Variants in ARHGDIB observed in about 807,000 individuals in gnomAD.
The protein encoded by ARHGDIB is Rho GDP dissociation inhibitor beta.
In ARHGDIB, 20 loss-of-function variants were observed where a neutral mutation model predicts 22.6. That is an observed-to-expected ratio of 0.88 (90% confidence interval 0.62 to 1.28). ARHGDIB has a LOEUF of 1.28. Among genes scored for constraint, ARHGDIB ranks in the 50% most tolerant of loss-of-function variants. The pLI is 0.00. For synonymous variants in ARHGDIB, 114 were observed against 96.1 expected, an observed-to-expected ratio of 1.19 and a Z score of -1.09; for missense variants, 254 against 245.4, an observed-to-expected ratio of 1.04 and a Z score of -0.23.
Position 14,949,513 on chromosome 12 carries a change from G to C in ARHGDIB, c.265+289C>G, listed in dbSNP as rs150356738. 5.0e-3 allele frequency among the ~76,000 whole-genome samples: 756 copies of C among 152,238 alleles called. 3 individuals are homozygous for C. Among genetic ancestry groups the C allele is most frequent in the African/African-American group, 0.017 (725 of 41,560 alleles). On this transcript the variant is annotated intron_variant, in intron 3 of 5. Coordinates refer to ENST00000228945, the MANE Select transcript of ARHGDIB (RefSeq NM_001175.7). ...TTGTTTCTTAATATTTCCATCAGCA[G>C]TCTTTATTGCATAAATAACAATTCT... is the stretch of plus-strand genomic sequence containing the variant.
intron 1 of ARHGDIB, among the ~76,000 whole-genome samples, chr12:14,951,733 C>T (rs553113768): frequency 8.6e-5 from 13 of 150,766 alleles, no homozygotes; most frequent in African/African-American, 3.2e-4. Flanking sequence ...AAGTTATTTA[C>T]CTGTTAAGGG....
At chr12:14,960,824 A>G (rs1030523559) in intron 1 of ARHGDIB, among the ~76,000 whole-genome samples, 75 of 152,294 alleles carry the variant, frequency 4.9e-4, no homozygotes, top group African/African-American at 1.5e-3. Flanking sequence ...TTTGACAACA[A>G]CAGCAAAGAT....
intron 5 of ARHGDIB, 54 bp from the exon 6 acceptor site, chr12:14,942,775 C>T: frequency 6.8e-7 from 1 of 1,467,126 alleles, no homozygotes; most frequent in South Asian, 1.1e-5. Flanking sequence ...GAAAAACATA[C>T]ACTGCAAACT....
In ARHGDIB at chr12:14,942,653, C is replaced by G; in HGVS notation, c.475G>C (p.Val159Leu). The G allele has an allele frequency of 6.2e-7, 1 of 1,614,182 alleles. No individual in the cohort carries two copies. Among genetic ancestry groups the G allele is most frequent in the South Asian group, 1.1e-5 (1 of 91,084 alleles). The change falls in exon 6 of 6, where the codon GTT becomes CTT. Residue 159 changes from valine to leucine, a missense_variant. Transcript: ENST00000228945. ...AGCATGCCCTTGGGAGCCTCCTCAACTGGAGTGAGGAACTCATACTCCTCA... is the reference window on the plus strand; with the variant it reads ...AGCATGCCCTTGGGAGCCTCCTCAAGTGGAGTGAGGAACTCATACTCCTCA... ...RPEEYEFLTP[V>L]EEAPKGMLAR...
At chr12:14,949,190 A>G (rs906002886) in intron 3 of ARHGDIB, among the ~76,000 whole-genome samples, 3 of 151,854 alleles carry the variant, frequency 2.0e-5, no homozygotes, top group Non-Finnish European at 4.4e-5. Flanking sequence ...CATTTCCTCC[A>G]CAATAACCCC....
intron 4 of ARHGDIB, 60 bp downstream of exon 4, chr12:14,947,813 T>C (rs760889636): frequency 9.7e-6 from 13 of 1,339,448 alleles, no homozygotes; most frequent in African/African-American, 1.4e-5. Context: ...GCAAGAAATG[T>C]AGTCACTGAT....
At chr12:14,956,069 T>C (rs960178106) in intron 1 of ARHGDIB, 3 of 152,222 alleles carry the variant, frequency 2.0e-5, no homozygotes, top group African/African-American at 7.2e-5. Context: ...GCAGAATTAA[T>C]GTCTGCGCCC....
intron 1 of ARHGDIB, among the ~76,000 whole-genome samples, chr12:14,954,071 T>C (rs1410541421): frequency 2.0e-5 from 3 of 152,040 alleles, no homozygotes; most frequent in African/African-American, 7.2e-5. Context: ...CTCTGCCTCC[T>C]GGACTCAAGC....
chr12:14,950,881 A>AATAATAATC, intron 1 of ARHGDIB, 157 bp from the exon 2 acceptor site: 1 of 585,914 alleles, frequency 1.7e-6, no homozygotes, highest in Non-Finnish European at 2.9e-6. Context: ...AATTCTATGA[A>AATAATAATC]ATAATAATCT....
At chr12:14,942,870 A>G (rs10772823) in intron 5 of ARHGDIB, 149 bp from the exon 6 acceptor site, 508,016 of 624,710 alleles carry the variant, frequency 0.81, 209,843 homozygotes, top group Admixed American at 0.9. Flanking sequence ...TACCTGAGGC[A>G]TCTTTTTTTT....
intron 1 of ARHGDIB, among the ~76,000 whole-genome samples, chr12:14,960,054 C>T (rs1370872835): frequency 6.6e-6 from 1 of 152,188 alleles, no homozygotes; most frequent in Non-Finnish European, 1.5e-5. Context: ...GTGCCATGGT[C>T]CTCTTGATCT....
intron 1 of ARHGDIB, among the ~76,000 whole-genome samples, chr12:14,955,803 G>C (rs938543351): frequency 6.6e-6 from 1 of 152,140 alleles, no homozygotes; most frequent in African/African-American, 2.4e-5. Flanking sequence ...GTTGAAATGA[G>C]AATAGGAATT....
chr12:14,946,047 G>C (rs898260476), intron 4 of ARHGDIB, among the ~76,000 whole-genome samples: 2 of 152,214 alleles, frequency 1.3e-5, no homozygotes, highest in African/African-American at 4.8e-5. Context: ...TCAAGACAAA[G>C]AGTCTACCAT....
At chr12:14,942,794 T>C (rs995069753) in intron 5 of ARHGDIB, 73 bp from the exon 6 acceptor site, 16 of 1,333,606 alleles carry the variant, frequency 1.2e-5, no homozygotes, top group East Asian at 2.4e-5. Flanking sequence ...CTGGAGAATC[T>C]GGACTACAGC....
At chr12:14,943,087 C>T (rs1202918042) in intron 5 of ARHGDIB, among the ~76,000 whole-genome samples, 1 of 152,006 alleles carries the variant, frequency 6.6e-6, no homozygotes, top group Admixed American at 6.6e-5. Flanking sequence ...AGGCTGGTCT[C>T]GAACTACCAA....
chr12:14,957,493 C>A (rs1407120363), intron 1 of ARHGDIB, among the ~76,000 whole-genome samples: 1 of 152,092 alleles, frequency 6.6e-6, no homozygotes, highest in Non-Finnish European at 1.5e-5. Flanking sequence ...ATAAGAAGTT[C>A]TGGGGAATTG....
chr12:14,951,299 TCA>T, intron 1 of ARHGDIB: 1 of 152,942 alleles, frequency 6.5e-6, no homozygotes. Flanking sequence ...GATACCTGCC[TCA>T]GGTGCCTGCA....
chr12:14,950,895 G>A (rs1341629966), intron 1 of ARHGDIB, 171 bp from the exon 2 acceptor site: 6 of 544,860 alleles, frequency 1.1e-5, no homozygotes, highest in Non-Finnish European at 1.9e-5. Flanking sequence ...ATAATCTAAT[G>A]TATTCTAGTA....
At chr12:14,959,996 T>G (rs919509831) in intron 1 of ARHGDIB, among the ~76,000 whole-genome samples, 5 of 152,234 alleles carry the variant, frequency 3.3e-5, no homozygotes, top group Non-Finnish European at 5.9e-5. Context: ...AGATTCACGA[T>G]GCCTGCTAGG....
Sources: gnomAD v4.1 joint callset for allele counts (sites outside exome capture counted in the v4.1 genomes callset) on GRCh38, gnomAD v4.1.1 for gene constraint, MANE v1.5 for transcripts, NCBI Gene and HGNC (gene_info 2026-07-23, HGNC 2026-07-21) for gene names.